ATP7A: variants seen among roughly 807,000 people sequenced by gnomAD.
The protein encoded by ATP7A is copper-transporting ATPase 1.
ATP7A carries 7 observed loss-of-function variants against 83.5 expected under a neutral mutation model. That is an observed-to-expected ratio of 0.08 (90% CI 0.05 to 0.16). The LOEUF (loss-of-function observed/expected upper bound fraction) is 0.16. ATP7A is among the 10% of genes least tolerant of loss of function. The pLI, the probability that ATP7A is intolerant of heterozygous loss-of-function variation, is 1.00. For synonymous variants in ATP7A, 354 were observed against 395.2 expected (o/e 0.90, Z 1.24); for missense variants, 940 against 1,120.8 (o/e 0.84, Z 2.30).
rs1276432027 is a variant in ATP7A, at chrX:78,049,310, T to C, written c.*2740T>C. 1 of 112,393 alleles carries C rather than the reference T, an allele frequency of 8.9e-6. No individual in the cohort carries two copies. Among genetic ancestry groups the C allele is most frequent in the Non-Finnish European group, 1.9e-5 (1 of 53,145 alleles). The allele number at this position is 112,393 out of a possible 1,213,427, so 9.3% of individuals were successfully genotyped here. On this transcript the variant is annotated 3_prime_UTR_variant, in exon 23 of 23. Coordinates refer to ENST00000341514, the MANE Select transcript of ATP7A (RefSeq NM_000052.7). ...TATGTACATACACATACATACATAT[T>C]ACCATACTGAAGGGAAATGGATTTA...
chrX:77,919,934 C>A (rs111613712), intron 1 of ATP7A, among the ~76,000 whole-genome samples: 1,490 of 112,028 alleles, frequency 0.013, 19 homozygotes, highest in African/African-American at 0.046. Flanking sequence ...TCTCATTCTG[C>A]CTTCTCTCAC....
intron 2 of ATP7A, among the ~76,000 whole-genome samples, chrX:77,984,242 T>A (rs2077622246): frequency 9.0e-6 from 1 of 110,943 alleles, no homozygotes; most frequent in African/African-American, 3.3e-5. Flanking sequence ...GGAGTCTGCC[T>A]GGTTTTGCTC....
chrX:77,920,790 T>G (rs1449809411), intron 1 of ATP7A, among the ~76,000 whole-genome samples: 1 of 111,467 alleles, frequency 9.0e-6, no homozygotes, highest in Non-Finnish European at 1.9e-5. Context: ...GCATGTCTCT[T>G]TTTGGTAGGA....
At chrX:78,014,998 A>G (rs782649726) in intron 11 of ATP7A, among the ~76,000 whole-genome samples, 4 of 111,957 alleles carry the variant, frequency 3.6e-5, no homozygotes, top group Non-Finnish European at 5.6e-5. Flanking sequence ...CTAAAAAAGG[A>G]TATATTCTGA....
chrX:77,931,504 G>C (rs1445080267), intron 1 of ATP7A, among the ~76,000 whole-genome samples: 1 of 112,439 alleles, frequency 8.9e-6, no homozygotes. Context: ...TTGTCATCCC[G>C]GCCCGTTCTC....
intron 1 of ATP7A, 31 bp from the exon 2 acceptor site, chrX:77,971,590 C>T (rs1557229666): frequency 8.4e-7 from 1 of 1,194,146 alleles, no homozygotes; most frequent in Non-Finnish European, 1.1e-6. Flanking sequence ...ATTTGCATGG[C>T]TGAAATTAAT....
chrX:78,045,498 G>A lies in ATP7A; in HGVS notation c.4152G>A (p.Leu1384=), dbSNP rs781939808. The A allele has an allele frequency of 1.7e-6, 2 of 1,211,254 alleles. No individual in the cohort carries two copies. The highest frequency in any genetic ancestry group is 2.2e-6 in the Non-Finnish European group (2 of 895,232). Residue 1384 remains leucine (L), a synonymous_variant, in exon 22 of 23, where the codon TTG becomes TTA. Coordinates refer to ENST00000341514, the MANE Select transcript of ATP7A (RefSeq NM_000052.7). ...AGVFMPIGLV[L]QPWMGSAAMA... is the part of the protein sequence containing the mutation. ...TTTTTATGCCCATTGGTTTGGTTTT[G>A]CAGCCCTGGATGGGATCTGCAGCAA... is the stretch of plus-strand genomic sequence containing the variant.
intron 12 of ATP7A, among the ~76,000 whole-genome samples, chrX:78,017,127 CA>C (rs2077870345): frequency 8.9e-6 from 1 of 112,669 alleles, no homozygotes; most frequent in Non-Finnish European, 1.9e-5. Context: ...CAGAGGTTCC[CA>C]AACCTCCGTT....
At chrX:78,010,595 T>C (rs2077813336) in intron 7 of ATP7A, among the ~76,000 whole-genome samples, 1 of 94,000 alleles carries the variant, frequency 1.1e-5, no homozygotes, top group South Asian at 5.5e-4. Context: ...TTTTTTTTTT[T>C]TGGAGACAGA....
intron 2 of ATP7A, among the ~76,000 whole-genome samples, chrX:77,985,178 C>CT (rs1353727035): frequency 8.2e-5 from 9 of 110,351 alleles, no homozygotes; most frequent in Non-Finnish European, 1.5e-4. Flanking sequence ...GTCACCATGC[C>CT]TGGGTAATTT....
chrX:77,969,618 C>T, intron 1 of ATP7A: 1 of 1,212,063 alleles, frequency 8.3e-7, no homozygotes, highest in Non-Finnish European at 1.1e-6. Flanking sequence ...GCCGGATCAG[C>T]ACCAGTTTGT....
intron 2 of ATP7A, among the ~76,000 whole-genome samples, chrX:77,976,888 T>C (rs1557230355): frequency 9.0e-6 from 1 of 111,169 alleles, no homozygotes; most frequent in Non-Finnish European, 1.9e-5. Context: ...TTTTTTTTTC[T>C]TGTATTCACC....
intron 1 of ATP7A, among the ~76,000 whole-genome samples, chrX:77,914,354 G>C (rs2077174716): frequency 9.0e-6 from 1 of 111,071 alleles, no homozygotes; most frequent in Non-Finnish European, 1.9e-5. Flanking sequence ...AGGCTCAAGC[G>C]ATCCTCCTAC....
At chrX:77,914,531 C>T (rs913209725) in intron 1 of ATP7A, among the ~76,000 whole-genome samples, 7 of 111,076 alleles carry the variant, frequency 6.3e-5, no homozygotes, top group Admixed American at 9.6e-5. Context: ...TCCCAAGTAG[C>T]GGGGATTACA....
At chrX:77,968,494 T>C (rs1273323389) in intron 1 of ATP7A, among the ~76,000 whole-genome samples, 2 of 111,696 alleles carry the variant, frequency 1.8e-5, no homozygotes, top group Admixed American at 1.9e-4. Context: ...GGACAGACTC[T>C]GCTCATGGGG....
rs782247390 is a variant in ATP7A, at chrX:78,011,162, A to G, written c.1870-14A>G. 2.5e-6 allele frequency: 3 copies of G among 1,197,229 alleles called. No homozygotes were observed. In the East Asian group the frequency reaches 8.9e-5, roughly 36 times the overall value. ...TGTTCAGTGAAATAATTTTTTTCTC[A>G]TGAATTTCCTTAGAGCTTAGGTTTT... On this transcript the variant is annotated splice_polypyrimidine_tract_variant and intron_variant, in intron 7 of 22. Transcript: ENST00000341514.
At chrX:77,920,555 G>A (rs1316283589) in intron 1 of ATP7A, among the ~76,000 whole-genome samples, 1 of 111,048 alleles carries the variant, frequency 9.0e-6, no homozygotes, top group African/African-American at 3.3e-5. Context: ...AAGTGAGAAC[G>A]TGTGGTATTT....
At chrX:77,936,370 T>G (rs1480051672) in intron 1 of ATP7A, among the ~76,000 whole-genome samples, 1 of 112,326 alleles carries the variant, frequency 8.9e-6, no homozygotes, top group Non-Finnish European at 1.9e-5. Context: ...TCCTGACATA[T>G]TTTTGTTGCT....
chrX:77,959,007 C>T (rs1432376872), intron 1 of ATP7A, among the ~76,000 whole-genome samples: 2 of 109,875 alleles, frequency 1.8e-5, no homozygotes, highest in South Asian at 4.0e-4. Flanking sequence ...AGGCTGGTCT[C>T]GAACTCCTGA....
Sources: allele counts gnomAD v4.1 joint callset (sites outside exome capture counted in the v4.1 genomes callset), GRCh38; gene constraint gnomAD v4.1.1; transcripts MANE v1.5; gene names NCBI Gene and HGNC (gene_info 2026-07-23, HGNC 2026-07-21).